The following DOCK7 variants were observed in gnomAD, a reference collection of about 807,000 sequenced individuals.
DOCK7 encodes dedicator of cytokinesis 7.
DOCK7 carries 138 observed loss-of-function variants against 271.0 expected under a neutral mutation model. The observed-to-expected ratio is 0.51, with a 90% CI of 0.44 to 0.59. The LOEUF (loss-of-function observed/expected upper bound fraction) is 0.59, where lower values mean the gene tolerates loss of function less well. Ranked by LOEUF, DOCK7 falls within the 20% of genes least tolerant of loss-of-function variation. The pLI is 0.00. For missense variants in DOCK7, 2,066 were observed against 2,592.4 expected (o/e 0.80, Z 4.41); for synonymous variants, 823 against 876.1 (o/e 0.94, Z 1.07).
intron 16 of DOCK7, 55 bp from the exon 17 acceptor site, chr1:62,579,021 A>C: frequency 7.2e-7 from 1 of 1,393,718 alleles, no homozygotes. Context: ...AAAATAAATA[A>C]TGTATTTGTA....
At chr1:62,570,135 T>C (rs1025766231) in intron 18 of DOCK7, among the ~76,000 whole-genome samples, 1 of 152,180 alleles carries the variant, frequency 6.6e-6, no homozygotes, top group Non-Finnish European at 1.5e-5. Flanking sequence ...GATGACATGA[T>C]CCTCTATCTA....
At chr1:62,522,477 C>A (rs1644879808) in intron 31 of DOCK7, among the ~76,000 whole-genome samples, 1 of 151,950 alleles carries the variant, frequency 6.6e-6, no homozygotes, top group Non-Finnish European at 1.5e-5. Flanking sequence ...CATTCGATAA[C>A]AATTCAACTA....
intron 12 of DOCK7, among the ~76,000 whole-genome samples, chr1:62,622,545 C>G (rs1449059801): frequency 6.6e-6 from 1 of 152,122 alleles, no homozygotes; most frequent in Admixed American, 6.5e-5. Context: ...CCTCAACCTC[C>G]TGGGCTCAAG....
At chr1:62,620,468 CCT>C (rs1159866004) in intron 12 of DOCK7, among the ~76,000 whole-genome samples, 2 of 152,052 alleles carry the variant, frequency 1.3e-5, no homozygotes, top group Middle Eastern at 3.4e-3. Flanking sequence ...CAGTTTATTT[CCT>C]TTTTTATGCT....
At chr1:62,504,136 A>G (rs1389934401) in intron 37 of DOCK7, among the ~76,000 whole-genome samples, 3 of 152,144 alleles carry the variant, frequency 2.0e-5, no homozygotes, top group Admixed American at 6.5e-5. Flanking sequence ...ATCAGAACCA[A>G]GGAGACGCCA....
At chr1:62,611,175 T>C (rs1034544570) in intron 14 of DOCK7, among the ~76,000 whole-genome samples, 2 of 152,232 alleles carry the variant, frequency 1.3e-5, no homozygotes. Context: ...CAGATCATGT[T>C]ATTTCATTCA....
intron 7 of DOCK7, among the ~76,000 whole-genome samples, chr1:62,640,446 C>T (rs914111919): frequency 5.3e-5 from 8 of 152,044 alleles, no homozygotes; most frequent in East Asian, 1.9e-4. Flanking sequence ...CACTTGAACC[C>T]GGGAGGCGGA....
Position 62,536,686 on chromosome 1 carries a change from T to C in DOCK7, c.3472-1054A>G, listed in dbSNP as rs866610983. 8.5e-5 allele frequency among the ~76,000 whole-genome samples: 13 copies of C among 152,260 alleles called. No homozygotes were observed. The South Asian group carries it at 1.4e-3, about 17-fold the overall frequency. Reference sequence around the variant, plus strand: ...AATTTTGTTTTTTAAATCACGCATATGAGATATCACCTACAGAATCCTATT... The same window carrying C: ...AATTTTGTTTTTTAAATCACGCATACGAGATATCACCTACAGAATCCTATT... On this transcript the variant is annotated intron_variant, in intron 28 of 49. Transcript: ENST00000635253.
At chr1:62,511,401 T>C (rs1644480383) in intron 33 of DOCK7, 1 of 152,144 alleles carries the variant, frequency 6.6e-6, no homozygotes, top group Non-Finnish European at 1.5e-5. Context: ...ATGTGGAGAA[T>C]ACACAAATAT....
At chr1:62,653,954 A>G (rs748448066) in intron 3 of DOCK7, 30 bp downstream of exon 3, 2 of 1,600,988 alleles carry the variant, frequency 1.2e-6, no homozygotes, top group Non-Finnish European at 1.7e-6. Context: ...TAGTTCCTCT[A>G]AAGCCAAAAA....
intron 28 of DOCK7, among the ~76,000 whole-genome samples, chr1:62,537,459 G>A (rs570207049): frequency 4.6e-5 from 7 of 151,978 alleles, no homozygotes; most frequent in East Asian, 1.9e-4. Flanking sequence ...AGTGGCGCAC[G>A]TCTGTAGTCC....
intron 16 of DOCK7, among the ~76,000 whole-genome samples, chr1:62,581,304 T>C (rs1280064719): frequency 6.6e-6 from 1 of 152,140 alleles, no homozygotes; most frequent in African/African-American, 2.4e-5. Context: ...TTATGTTTAG[T>C]AATAAAGCAG....
At chr1:62,668,911 T>C (rs1571961837) in intron 1 of DOCK7, among the ~76,000 whole-genome samples, 1 of 137,894 alleles carries the variant, frequency 7.3e-6, no homozygotes, top group South Asian at 2.4e-4. Flanking sequence ...GGCAATAAAG[T>C]GAGACCTTGC....
chr1:62,582,719 T>TC (rs1288041516), intron 16 of DOCK7, among the ~76,000 whole-genome samples: 1 of 151,332 alleles, frequency 6.6e-6, no homozygotes, highest in Non-Finnish European at 1.5e-5. Context: ...TATTCAATAA[T>TC]CCCCCCAAAA....
chr1:62,543,560 G>C, intron 24 of DOCK7, 96 bp downstream of exon 24: 3 of 857,398 alleles, frequency 3.5e-6, no homozygotes, highest in Non-Finnish European at 3.7e-6. Context: ...TGCAATTACT[G>C]TAAGTATCTC....
At position 62,504,615 on chromosome 1, in the gene DOCK7, T is replaced by A. The variant is rs1237153195; in HGVS notation, c.4764+15A>T. On this transcript the variant is annotated intron_variant, in intron 37 of 49. Coordinates refer to ENST00000635253, the MANE Select transcript of DOCK7 (RefSeq NM_001367561.1). ...TCATTATGAATACAGAGAATTTTCA[T>A]GATAAAATACTTACATTCCCAATCT... 4 of 1,604,200 alleles carry A rather than the reference T, an allele frequency of 2.5e-6. No homozygotes were observed. The highest frequency in any genetic ancestry group is 3.5e-5 in the Admixed American group (2 of 57,680).
chr1:62,460,888 C>G (rs1571172894), intron 48 of DOCK7: 2 of 152,200 alleles, frequency 1.3e-5, no homozygotes, highest in Admixed American at 1.3e-4. Context: ...AACTTCTGAG[C>G]TCAAGCGGTC....
chr1:62,636,069 G>A (rs1290498190), intron 8 of DOCK7, among the ~76,000 whole-genome samples: 6 of 152,168 alleles, frequency 3.9e-5, no homozygotes, highest in Admixed American at 1.3e-4. Context: ...TGGCTAACAC[G>A]GTGAAATCCC....
intron 1 of DOCK7, among the ~76,000 whole-genome samples, chr1:62,683,349 T>C (rs1398266712): frequency 6.6e-6 from 1 of 152,122 alleles, no homozygotes; most frequent in African/African-American, 2.4e-5. Context: ...GTAGATTCTG[T>C]AGATTGAAAG....
Sources: allele counts gnomAD v4.1 joint callset (sites outside exome capture counted in the v4.1 genomes callset), GRCh38; gene constraint gnomAD v4.1.1; transcripts MANE v1.5; gene names NCBI Gene and HGNC (gene_info 2026-07-23, HGNC 2026-07-21).